The following VPS8 variants were observed in gnomAD, a reference collection of about 807,000 sequenced individuals.
The protein encoded by VPS8 is VPS8 subunit of CORVET complex, also known as vacuolar protein sorting-associated protein 8 homolog.
In VPS8, 129 loss-of-function variants were observed where a neutral mutation model predicts 216.4. That is an observed-to-expected ratio of 0.60 (90% confidence interval 0.52 to 0.69). The LOEUF (loss-of-function observed/expected upper bound fraction) is 0.69, where lower values mean the gene tolerates loss of function less well. Among genes scored for constraint, VPS8 ranks in the 30% least tolerant of loss-of-function variants. The pLI, the probability that VPS8 is intolerant of heterozygous loss-of-function variation, is 0.00. For synonymous variants in VPS8, 571 were observed against 565.4 expected (o/e 1.01, Z -0.14); for missense variants, 1,531 against 1,683.5 (o/e 0.91, Z 1.59).
At chr3:184,837,738 G>T (rs1173667511) in intron 5 of VPS8, among the ~76,000 whole-genome samples, 6 of 152,172 alleles carry the variant, frequency 3.9e-5, no homozygotes, top group Non-Finnish European at 7.3e-5. Context: ...ACGCTGACAA[G>T]GACAGACATA....
Position 184,900,964 on chromosome 3 carries a change from C to T in VPS8, c.2138C>T (p.Thr713Ile). 1 of 1,605,296 alleles carries T rather than the reference C, an allele frequency of 6.2e-7. No individual in the cohort carries two copies. The highest frequency in any genetic ancestry group is 2.2e-5 in the East Asian group (1 of 44,684). ...VIAPPLNAGKTLTDEQVVMGN... is the reference protein window; with the variant it reads ...VIAPPLNAGKILTDEQVVMGN... Reference sequence around the variant, plus strand: ...GCTCCTCCTCTGAATGCAGGAAAAACACTAACAGGTATTTATTTTCTAAGC... The same window carrying T: ...GCTCCTCCTCTGAATGCAGGAAAAATACTAACAGGTATTTATTTTCTAAGC... Residue 713 changes from threonine (T) to isoleucine (I), a missense_variant, in exon 25 of 48, where the codon ACA becomes ATA. By Grantham distance (89) the Thr-to-Ile change is moderately conservative (BLOSUM62 -1). This residue lies in a region of VPS8 where 1,318 missense variants were observed against 1,468.4 expected (regional missense o/e 0.90). Coordinates refer to ENST00000625842, the MANE Select transcript of VPS8 (RefSeq NM_001009921.3).
At chr3:184,910,132 T>TG (rs1234208482) in intron 25 of VPS8, among the ~76,000 whole-genome samples, 10 of 147,576 alleles carry the variant, frequency 6.8e-5, no homozygotes, top group Admixed American at 6.0e-4. Context: ...TCTCCTATTT[T>TG]TTTTTTTTTT....
chr3:185,030,924 G>A (rs759877862), intron 46 of VPS8, among the ~76,000 whole-genome samples: 6 of 151,834 alleles, frequency 4.0e-5, no homozygotes, highest in Non-Finnish European at 7.4e-5. Context: ...CACCATGCCT[G>A]GCTGATTTTT....
intron 1 of VPS8, among the ~76,000 whole-genome samples, chr3:184,817,759 C>G (rs1166453037): frequency 6.6e-6 from 1 of 152,202 alleles, no homozygotes; most frequent in Non-Finnish European, 1.5e-5. Flanking sequence ...CTATGTTAAT[C>G]AAACATTTTT....
intron 7 of VPS8, chr3:184,840,206 C>G (rs1194848715): frequency 6.5e-6 from 1 of 153,592 alleles, no homozygotes; most frequent in African/African-American, 2.4e-5. Context: ...GTAAATCACT[C>G]TAAACCGAAT....
At chr3:184,820,655 A>G (rs1020808574) in intron 1 of VPS8, among the ~76,000 whole-genome samples, 1 of 152,296 alleles carries the variant, frequency 6.6e-6, no homozygotes, top group East Asian at 1.9e-4. Context: ...AAATTTGAGC[A>G]TGGTGACCTT....
chr3:184,895,614 C>T (rs1578128615), intron 23 of VPS8, among the ~76,000 whole-genome samples: 1 of 2,294 alleles, frequency 4.4e-4, no homozygotes, highest in African/African-American at 1.4e-3. Context: ...CCCTCCTCCT[C>T]CCCCCCTCCT....
chr3:184,964,860 T>G (rs933040207), intron 38 of VPS8, among the ~76,000 whole-genome samples: 1 of 152,214 alleles, frequency 6.6e-6, no homozygotes, highest in Non-Finnish European at 1.5e-5. Context: ...CTGGGCTGCT[T>G]TACCTTTTGG....
chr3:184,964,672 G>T, intron 38 of VPS8, 115 bp downstream of exon 38: 1 of 531,736 alleles, frequency 1.9e-6, no homozygotes, highest in East Asian at 3.5e-5. Context: ...TTTTACCCCT[G>T]AATATTTTTA....
intron 28 of VPS8, among the ~76,000 whole-genome samples, chr3:184,915,772 G>A (rs1437014286): frequency 1.3e-5 from 2 of 152,160 alleles, no homozygotes; most frequent in Non-Finnish European, 2.9e-5. Flanking sequence ...TTGTGCCTTT[G>A]CACTCCAGCG....
intron 37 of VPS8, among the ~76,000 whole-genome samples, chr3:184,958,704 A>G (rs1746014027): frequency 6.6e-6 from 1 of 152,220 alleles, no homozygotes; most frequent in Non-Finnish European, 1.5e-5. Context: ...ATGTTCAAAT[A>G]CTAGTTTGGA....
At chr3:184,925,190 T>G (rs1739365408) in intron 30 of VPS8, among the ~76,000 whole-genome samples, 1 of 152,196 alleles carries the variant, frequency 6.6e-6, no homozygotes, top group Non-Finnish European at 1.5e-5. Context: ...GATTGTGTTC[T>G]CTCAATTATT....
intron 7 of VPS8, 104 bp from the exon 8 acceptor site, chr3:184,843,116 CCACAGATAACTAAAGCTTGT>C: frequency 1.7e-6 from 1 of 587,710 alleles, no homozygotes; most frequent in Non-Finnish European, 2.7e-6. Flanking sequence ...AGTATCATTC[CCACAGATAACTAAAGCTTGT>C]CACTTATATT....
At chr3:184,923,344 A>G (rs1243203842) in intron 29 of VPS8, among the ~76,000 whole-genome samples, 2 of 152,130 alleles carry the variant, frequency 1.3e-5, no homozygotes, top group African/African-American at 2.4e-5. Context: ...GTCCTGTTTC[A>G]TTGTTCCTTT....
At chr3:184,834,772 T>C in intron 5 of VPS8, 30 bp downstream of exon 5, 1 of 1,503,444 alleles carries the variant, frequency 6.7e-7, no homozygotes. Flanking sequence ...CCCTCAACTT[T>C]GTAACCTGCA....
At chr3:185,023,937 ACT>A (rs1226842668) in intron 45 of VPS8, among the ~76,000 whole-genome samples, 2 of 152,068 alleles carry the variant, frequency 1.3e-5, no homozygotes, top group Non-Finnish European at 2.9e-5. Flanking sequence ...CAATTATCAA[ACT>A]CTTCTGTGCA....
chr3:184,817,445 G>A (rs753441861), intron 1 of VPS8: 4 of 152,178 alleles, frequency 2.6e-5, no homozygotes, highest in Non-Finnish European at 4.4e-5. Flanking sequence ...TTACAATGTG[G>A]TAAGTGTAGT....
intron 1 of VPS8, chr3:184,813,833 G>C (rs1715717341): frequency 6.6e-6 from 1 of 152,200 alleles, no homozygotes; most frequent in Non-Finnish European, 1.5e-5. Flanking sequence ...AGTTATGTAT[G>C]TGAATGAGAA....
At chr3:184,957,246 C>A in intron 36 of VPS8, 128 bp from the exon 37 acceptor site, 1 of 962,580 alleles carries the variant, frequency 1.0e-6, no homozygotes, top group Non-Finnish European at 1.5e-6. Context: ...ACTTTCAATT[C>A]ATATTTTTAT....
Sources: allele counts gnomAD v4.1 joint callset (sites outside exome capture counted in the v4.1 genomes callset), GRCh38; gene constraint gnomAD v4.1.1; regional missense constraint gnomAD v4.1.1; transcripts MANE v1.5; gene names NCBI Gene and HGNC (gene_info 2026-07-23, HGNC 2026-07-21).